The following DAB1 variants were observed in gnomAD, a reference collection of about 807,000 sequenced individuals.
The protein encoded by DAB1 is DAB adaptor protein 1, also known as disabled homolog 1.
DAB1 carries 15 observed loss-of-function variants against 64.6 expected under a neutral mutation model. The ratio of observed to expected loss-of-function variants is 0.23; its 90% CI spans 0.16 to 0.36. The LOEUF (loss-of-function observed/expected upper bound fraction) is 0.36, where lower values mean the gene tolerates loss of function less well. Ranked by LOEUF, DAB1 falls within the 10% of genes least tolerant of loss-of-function variation. The pLI, the probability that DAB1 is intolerant of heterozygous loss-of-function variation, is 1.00. For missense variants in DAB1, 596 were observed against 706.7 expected (o/e 0.84, Z 1.78); for synonymous variants, 235 against 251.9 (o/e 0.93, Z 0.64).
intron 3 of DAB1, among the ~76,000 whole-genome samples, chr1:58,443,850 G>A (rs1645038147): frequency 6.6e-6 from 1 of 152,104 alleles, no homozygotes; most frequent in Non-Finnish European, 1.5e-5. Context: ...TCCCATTTTT[G>A]TTGCTAAATA....
intron 1 of DAB1, among the ~76,000 whole-genome samples, chr1:57,846,287 A>G (rs1653279352): frequency 6.6e-6 from 1 of 151,968 alleles, no homozygotes; most frequent in Non-Finnish European, 1.5e-5. Flanking sequence ...GTGAAACCCC[A>G]TCTCACTAAA....
intron 7 of DAB1, among the ~76,000 whole-genome samples, chr1:57,533,915 T>A (rs1644695097): frequency 6.6e-6 from 1 of 152,060 alleles, no homozygotes; most frequent in African/African-American, 2.4e-5. Context: ...CAACATAAAA[T>A]TAGGGGAACC....
At chr1:57,905,890 C>G (rs953575852) in intron 5 of DAB1, among the ~76,000 whole-genome samples, 2 of 152,176 alleles carry the variant, frequency 1.3e-5, no homozygotes, top group Non-Finnish European at 2.9e-5. Context: ...TGCCCCTGTT[C>G]ACTTTGGTGA....
At chr1:58,379,240 T>C (rs967738898) in intron 3 of DAB1, among the ~76,000 whole-genome samples, 2 of 152,246 alleles carry the variant, frequency 1.3e-5, no homozygotes, top group African/African-American at 4.8e-5. Flanking sequence ...GCTATGACTA[T>C]CTTGGAAGTA....
chr1:57,222,310 A>G lies in DAB1; in HGVS notation c.67+68654T>C, dbSNP rs370008540. On this transcript the variant is annotated intron_variant, in intron 2 of 14. Transcript: ENST00000371236. ...TACATTTACAGAAATACAATGACAG[A>G]AACTTCTGGTCCTATCCTGAGGTGC... Among the ~76,000 whole-genome samples the G allele has an allele frequency of 1.2e-3, 183 of 152,292 alleles. 3 individuals carry two copies. Among genetic ancestry groups the G allele is most frequent in the African/African-American group, 4.2e-3 (176 of 41,562 alleles).
At chr1:58,328,840 G>A (rs930853451) in intron 4 of DAB1, among the ~76,000 whole-genome samples, 15 of 152,070 alleles carry the variant, frequency 9.9e-5, no homozygotes, top group African/African-American at 2.9e-4. Context: ...TCCTGACCTC[G>A]TGATCTGCCT....
chr1:57,990,755 G>A (rs1646323918), intron 5 of DAB1, among the ~76,000 whole-genome samples: 1 of 152,160 alleles, frequency 6.6e-6, no homozygotes, highest in East Asian at 1.9e-4. Flanking sequence ...CAGGCCCGGG[G>A]GAGGGGCCCA....
At chr1:58,155,801 T>C (rs1655190864) in intron 4 of DAB1, among the ~76,000 whole-genome samples, 1 of 152,208 alleles carries the variant, frequency 6.6e-6, no homozygotes, top group Admixed American at 6.5e-5. Flanking sequence ...GAGTGAAATT[T>C]AGCAGGCACG....
Position 57,088,165 on chromosome 1 carries a change from G to T in DAB1, c.307-15751C>A, listed in dbSNP as rs534526054. Among the ~76,000 whole-genome samples the T allele has an allele frequency of 5.3e-5, 8 of 152,302 alleles. No individual in the cohort carries two copies. The East Asian group carries it at 1.4e-3, about 26-fold the overall frequency. On this transcript the variant is annotated intron_variant, in intron 4 of 14. Transcript: ENST00000371236. ...GGCTCACTACAATCTCCACCTCCTGGGTTCAAGTGATTCTCATGCCTCAGC... is the reference window on the plus strand; with the variant it reads ...GGCTCACTACAATCTCCACCTCCTGTGTTCAAGTGATTCTCATGCCTCAGC...
chr1:57,337,136 A>C lies in DAB1; in HGVS notation c.-136-45970T>G, dbSNP rs78713024. ...AATCCAAACCTCTCATCAACCACAC[A>C]GCTAAAGCCTCCTGCAAGCCACCAT... On this transcript the variant is annotated intron_variant, in intron 1 of 14. Coordinates refer to ENST00000371236, the MANE Select transcript of DAB1 (RefSeq NM_001365792.1). Among the ~76,000 whole-genome samples the C allele has an allele frequency of 6.4e-4, 97 of 152,366 alleles. 1 individual carries two copies. The South Asian group carries it at 0.017, about 26-fold the overall frequency.
intron 1 of DAB1, among the ~76,000 whole-genome samples, chr1:57,326,315 T>TA (rs1012831341): frequency 8.5e-5 from 13 of 152,330 alleles, no homozygotes; most frequent in Admixed American, 3.3e-4. Context: ...ACATAAATTC[T>TA]AAAGACAGCA....
At chr1:57,265,034 G>A (rs929613841) in intron 2 of DAB1, among the ~76,000 whole-genome samples, 3 of 152,086 alleles carry the variant, frequency 2.0e-5, no homozygotes, top group African/African-American at 7.2e-5. Flanking sequence ...TTCATTTTGC[G>A]GCTTAGAAAA....
chr1:57,365,886 T>C (rs913345700), intron 1 of DAB1, among the ~76,000 whole-genome samples: 15 of 152,190 alleles, frequency 9.9e-5, no homozygotes, highest in Admixed American at 1.3e-4. Flanking sequence ...CTGTAAGCAA[T>C]GAGAAACTGG....
chr1:57,570,042 G>A (rs2101531026), intron 7 of DAB1, among the ~76,000 whole-genome samples: 1 of 152,232 alleles, frequency 6.6e-6, no homozygotes, highest in East Asian at 1.9e-4. Context: ...CAACTTGATT[G>A]GATTGAAGGA....
chr1:57,698,348 T>C (rs141223146), intron 6 of DAB1, among the ~76,000 whole-genome samples: 2,111 of 151,940 alleles, frequency 0.014, 21 homozygotes, highest in Non-Finnish European at 0.022. Context: ...TCCTCCTGTG[T>C]TGGCCTCCCA....
At chr1:58,448,689 A>C (rs1645098854) in intron 3 of DAB1, among the ~76,000 whole-genome samples, 1 of 152,220 alleles carries the variant, frequency 6.6e-6, no homozygotes, top group African/African-American at 2.4e-5. Context: ...GGACACAAGC[A>C]CAAGAGATGA....
intron 4 of DAB1, among the ~76,000 whole-genome samples, chr1:58,321,542 C>T (rs1288607082): frequency 6.6e-6 from 1 of 152,236 alleles, no homozygotes; most frequent in African/African-American, 2.4e-5. Context: ...CCTGGAAAAT[C>T]GGGACACTCC....
At chr1:58,435,023 G>A (rs1398675396) in intron 3 of DAB1, among the ~76,000 whole-genome samples, 1 of 152,166 alleles carries the variant, frequency 6.6e-6, no homozygotes, top group Non-Finnish European at 1.5e-5. Context: ...CCAGAATGTA[G>A]GAAATAGCAG....
downstream of DAB1, among the ~76,000 whole-genome samples, chr1:57,824,758 T>C (rs1652270294): frequency 6.6e-6 from 1 of 152,200 alleles, no homozygotes; most frequent in Non-Finnish European, 1.5e-5. Context: ...ATGGCATTCA[T>C]CCAGAGCACT....
Sources: allele counts gnomAD v4.1 joint callset (sites outside exome capture counted in the v4.1 genomes callset), GRCh38; gene constraint gnomAD v4.1.1; transcripts MANE v1.5; gene names NCBI Gene and HGNC (gene_info 2026-07-23, HGNC 2026-07-21).